The following SV2B variants were observed in gnomAD, a reference collection of about 807,000 sequenced individuals.
SV2B encodes synaptic vesicle glycoprotein 2B.
Under a neutral mutation model 73.9 loss-of-function variants are expected in SV2B, and 41 were observed. That is an observed-to-expected ratio of 0.56 (90% CI 0.43 to 0.72). The LOEUF is 0.72. Among genes scored for constraint, SV2B ranks in the 30% least tolerant of loss-of-function variants. SV2B has a pLI of 0.00. For synonymous variants in SV2B, 314 were observed against 314.2 expected, an observed-to-expected ratio of 1.00 and a Z score of 0.01; for missense variants, 764 against 857.8, an observed-to-expected ratio of 0.89 and a Z score of 1.37.
intron 1 of SV2B, among the ~76,000 whole-genome samples, chr15:91,134,210 C>A (rs989989222): frequency 4.6e-5 from 7 of 151,970 alleles, no homozygotes; most frequent in Admixed American, 4.6e-4. Flanking sequence ...GTTGGCCAGG[C>A]TAGTCTCGAA....
chr15:91,173,666 C>G (rs867671180), intron 1 of SV2B, among the ~76,000 whole-genome samples: 16 of 152,170 alleles, frequency 1.1e-4, no homozygotes, highest in African/African-American at 3.4e-4. Context: ...CAGTTCCAAC[C>G]TGGGAGAAAT....
chr15:91,183,447 A>G (rs2044659424), intron 1 of SV2B, among the ~76,000 whole-genome samples: 1 of 152,216 alleles, frequency 6.6e-6, no homozygotes, highest in South Asian at 2.1e-4. Context: ...TGTCTAGATA[A>G]CTGGTTCTCT....
At chr15:91,266,549 TCAAA>T in intron 6 of SV2B, 29 bp from the exon 7 acceptor site, 1 of 1,553,684 alleles carries the variant, frequency 6.4e-7, no homozygotes, top group Non-Finnish European at 8.9e-7. Flanking sequence ...AAAGTGGGGT[TCAAA>T]TTCTCTATAT....
At chr15:91,217,805 A>G (rs564032117) in intron 1 of SV2B, among the ~76,000 whole-genome samples, 1 of 152,382 alleles carries the variant, frequency 6.6e-6, no homozygotes, top group South Asian at 2.1e-4. Flanking sequence ...TTGAGAGGCG[A>G]GGAGCTGAGA....
At chr15:91,270,234 A>G (rs2048247157) in intron 9 of SV2B, among the ~76,000 whole-genome samples, 1 of 152,220 alleles carries the variant, frequency 6.6e-6, no homozygotes, top group Non-Finnish European at 1.5e-5. Flanking sequence ...TACAAGTAAT[A>G]CTAATGGTAG....
rs1416608943 is a variant in SV2B at position 91,265,149 on chromosome 15, C to G, written c.1009-1433C>G. On this transcript the variant is annotated intron_variant, in intron 6 of 12. Coordinates refer to ENST00000394232, the MANE Select transcript of SV2B (RefSeq NM_001323032.3). The surrounding 1 kb of genome is among the most constrained non-coding windows in gnomAD (Gnocchi z 4.2). ...TTTACTCCTGTGCGTGTCCCATCAG[C>G]AGACGTGCTCATAGATGTATTCAGT... Among the ~76,000 whole-genome samples, 1 of 152,178 alleles carries G rather than the reference C, an allele frequency of 6.6e-6. No individual in the cohort carries two copies. Among genetic ancestry groups the G allele is most frequent in the Admixed American group, 6.5e-5 (1 of 15,280 alleles).
In SV2B at chr15:91,292,653, C is replaced by T. The variant is rs374895930; in HGVS notation, c.*101C>T. On this transcript the variant is annotated 3_prime_UTR_variant, in exon 13 of 13. Transcript: ENST00000394232. ...ACGGTCCGGAGGACACCTTGGATAGCACGGGAGGAGAAGTTGACTTTGTGA... is the reference window on the plus strand; with the variant it reads ...ACGGTCCGGAGGACACCTTGGATAGTACGGGAGGAGAAGTTGACTTTGTGA... 126 of 1,395,984 alleles carry T rather than the reference C, an allele frequency of 9.0e-5. No individual in the cohort carries two copies. The African/African-American group carries it at 1.5e-3, about 17-fold the overall frequency. 86.5% of individuals were successfully genotyped at this position (1,395,984 alleles called of 1,614,324 possible). A position where few individuals can be genotyped will look rare whatever the true frequency, so the allele number is the denominator to read the frequency against.
chr15:91,217,762 C>T (rs1040055721), intron 1 of SV2B, among the ~76,000 whole-genome samples: 2 of 152,214 alleles, frequency 1.3e-5, no homozygotes, highest in African/African-American at 4.8e-5. Flanking sequence ...TGGCTAGACA[C>T]GGTCTTAGAA....
rs750883899 is a variant in SV2B, at chr15:91,229,488, C to T, written c.451+2774C>T. On this transcript the variant is annotated intron_variant, in intron 2 of 12. Coordinates refer to ENST00000394232, the MANE Select transcript of SV2B (RefSeq NM_001323032.3). This position sits in a 1 kb window ranked among gnomAD's most constrained non-coding sequence, Gnocchi z 4.3. ...GTGAACTATAGCTGCAGTGAGATGA[C>T]GAAGCAACGTGGCCCTGGAGCCAGT... Among the ~76,000 whole-genome samples, 7 of 152,132 alleles carry T rather than the reference C, an allele frequency of 4.6e-5. No homozygotes were observed. Among genetic ancestry groups the T allele is most frequent in the South Asian group, 2.1e-4 (1 of 4,826 alleles).
Position 91,289,419 on chromosome 15 carries a change from G to T in SV2B, c.1709-102G>T. On this transcript the variant is annotated intron_variant, in intron 11 of 12. Coordinates refer to ENST00000394232, the MANE Select transcript of SV2B (RefSeq NM_001323032.3). This position sits in a 1 kb window ranked among gnomAD's most constrained non-coding sequence, Gnocchi z 4.9. ...AATACTTCAGGCAGCCTTGGCTTCA[G>T]GTGTACCAGTGAGGGTGGGAGATGG... 1 of 1,466,376 alleles carries T rather than the reference G, an allele frequency of 6.8e-7. No individual in the cohort carries two copies. The highest frequency in any genetic ancestry group is 9.5e-7 in the Non-Finnish European group (1 of 1,050,564). The allele number at this position is 1,466,376 out of a possible 1,614,324, so 90.8% of individuals were successfully genotyped here. A position where few individuals can be genotyped will look rare whatever the true frequency, so the allele number is the denominator to read the frequency against.
rs765260016 is a variant in SV2B, at chr15:91,110,535, C to T, written c.-392+10172C>T. Among the ~76,000 whole-genome samples the T allele has an allele frequency of 6.6e-6, 1 of 152,222 alleles. No homozygotes were observed. The highest frequency in any genetic ancestry group is 6.5e-5 in the Admixed American group (1 of 15,288). ...GTGTTGCCTGCCATCCCTGCTCTAT[C>T]GCACGCAGAATCTGACCGTGGCCTC... On this transcript the variant is annotated intron_variant, in intron 1 of 12. Coordinates refer to ENST00000394232, the MANE Select transcript of SV2B (RefSeq NM_001323032.3). This position sits in a 1 kb window ranked among gnomAD's most constrained non-coding sequence, Gnocchi z 5.4.
At position 91,289,399 on chromosome 15, in the gene SV2B, T is replaced by C; in HGVS notation, c.1709-122T>C. 7.8e-7 allele frequency: 1 copy of C among 1,275,578 alleles called. No homozygotes were observed. Among genetic ancestry groups the C allele is most frequent in the South Asian group, 1.2e-5 (1 of 82,956 alleles). 79.0% of individuals were successfully genotyped at this position (1,275,578 alleles called of 1,614,324 possible). A position where few individuals can be genotyped will look rare whatever the true frequency, so the allele number is the denominator to read the frequency against. On this transcript the variant is annotated intron_variant, in intron 11 of 12. Transcript: ENST00000394232. The surrounding 1 kb of genome is among the most constrained non-coding windows in gnomAD (Gnocchi z 4.9). ...TCTGTGTGGAGGGTGAACCTAATAC[T>C]TCAGGCAGCCTTGGCTTCAGGTGTA...
intron 1 of SV2B, among the ~76,000 whole-genome samples, chr15:91,186,737 G>A (rs1470177024): frequency 6.6e-6 from 1 of 152,130 alleles, no homozygotes; most frequent in African/African-American, 2.4e-5. Flanking sequence ...AGGTTGAGGG[G>A]TGAGAAATTA....
rs1021363504 is a variant in SV2B, at chr15:91,140,815, A to G, written c.-392+40452A>G. On this transcript the variant is annotated intron_variant, in intron 1 of 12. Transcript: ENST00000394232. This position sits in a 1 kb window ranked among gnomAD's most constrained non-coding sequence, Gnocchi z 4.4. ...GTGGCTGTTTATCACCTCTGTATTAAGGACAATAGGATGAGCCCCTGGTTG... is the reference window on the plus strand; with the variant it reads ...GTGGCTGTTTATCACCTCTGTATTAGGGACAATAGGATGAGCCCCTGGTTG... 6.6e-6 allele frequency among the ~76,000 whole-genome samples: 1 copy of G among 152,114 alleles called. No homozygotes were observed. The highest frequency in any genetic ancestry group is 6.5e-5 in the Admixed American group (1 of 15,270).
In SV2B at chr15:91,125,305, A is replaced by C. The variant is rs558575901; in HGVS notation, c.-392+24942A>C. The stretch of plus-strand genomic sequence containing the variant: ...GACAGAATTCAGTGCCTAGCAGTGC[A>C]TGAGGGTATAAACACTTGTTGAGTT... On this transcript the variant is annotated intron_variant, in intron 1 of 12. Coordinates refer to ENST00000394232, the MANE Select transcript of SV2B (RefSeq NM_001323032.3). Among the ~76,000 whole-genome samples the C allele has an allele frequency of 1.8e-4, 28 of 152,320 alleles. 2 individuals carry two copies. Among genetic ancestry groups the C allele is most frequent in the African/African-American group, 6.7e-4 (28 of 41,570 alleles).
chr15:91,179,928 T>A (rs2044480369), intron 1 of SV2B, among the ~76,000 whole-genome samples: 1 of 151,428 alleles, frequency 6.6e-6, no homozygotes, highest in Non-Finnish European at 1.5e-5. Flanking sequence ...AATTTGATCC[T>A]GTCGTTATGA....
In SV2B at chr15:91,289,653, C is replaced by T; in HGVS notation, c.1841C>T (p.Thr614Ile). The change falls in exon 12 of 13, where the codon ACA becomes ATA. Residue 614 changes from threonine (T) to isoleucine (I), a missense_variant. Physicochemically the swap from Thr to Ile is moderately conservative, Grantham distance 89 (BLOSUM62 -1). Coordinates refer to ENST00000394232, the MANE Select transcript of SV2B (RefSeq NM_001323032.3). This position sits in a 1 kb window ranked among gnomAD's most constrained non-coding sequence, Gnocchi z 4.9. ...IAAWNALDVI[T>I]VELYPTNQRA... The stretch of plus-strand genomic sequence containing the variant: ...GCCTGGAATGCTCTGGATGTGATCA[C>T]AGTGGAGCTGTATCCCACCAACCAG... The T allele has an allele frequency of 2.5e-6, 4 of 1,613,750 alleles. No individual in the cohort carries two copies. The highest frequency in any genetic ancestry group is 3.4e-6 in the Non-Finnish European group (4 of 1,180,016).
At chr15:91,270,801 CCTGTGGATGATGGGG>C (rs2048269081) in intron 9 of SV2B, among the ~76,000 whole-genome samples, 1 of 146,576 alleles carries the variant, frequency 6.8e-6, no homozygotes, top group African/African-American at 2.6e-5. Context: ...GATGGTGAAT[CCTGTGGATGATGGGG>C]GGATGGTGAA....
chr15:91,271,358 A>G (rs10438438), intron 9 of SV2B, among the ~76,000 whole-genome samples: 26 of 151,966 alleles, frequency 1.7e-4, no homozygotes, highest in Non-Finnish European at 3.1e-4. Context: ...AGTGACAATG[A>G]AATTGCTAAT....
Sources: gnomAD v4.1 joint callset for allele counts (sites outside exome capture counted in the v4.1 genomes callset) on GRCh38, gnomAD v4.1.1 for gene constraint, Gnocchi (gnomAD v3.1) non-coding constraint, MANE v1.5 for transcripts, NCBI Gene and HGNC (gene_info 2026-07-23, HGNC 2026-07-21) for gene names.